The following CACNA1E variants were observed in gnomAD, a reference collection of about 807,000 sequenced individuals.
CACNA1E encodes calcium voltage-gated channel subunit alpha1 E.
Under a neutral mutation model 259.2 loss-of-function variants are expected in CACNA1E, and 40 were observed. The observed-to-expected ratio is 0.15, with a 90% CI of 0.12 to 0.20. CACNA1E has a LOEUF of 0.20. Ranked by LOEUF, CACNA1E falls within the 10% of genes least tolerant of loss-of-function variation. The probability of loss-of-function intolerance (pLI) is 1.00; values close to 1 mark genes in which losing one functional copy is unlikely to be tolerated. For synonymous variants in CACNA1E, 1,104 were observed against 1,138.5 expected, an observed-to-expected ratio of 0.97 and a Z score of 0.61; for missense variants, 1,874 against 3,040.1, an observed-to-expected ratio of 0.62 and a Z score of 9.02.
At chr1:181,678,565 A>G (rs1056916336) in intron 7 of CACNA1E, among the ~76,000 whole-genome samples, 6 of 152,228 alleles carry the variant, frequency 3.9e-5, no homozygotes, top group Non-Finnish European at 8.8e-5. Context: ...ACAAGGACAC[A>G]CTGAATACTG....
chr1:181,672,979 G>A (rs920254652), intron 7 of CACNA1E, among the ~76,000 whole-genome samples: 1 of 152,044 alleles, frequency 6.6e-6, no homozygotes, highest in Non-Finnish European at 1.5e-5. Context: ...CCTGAAAGAC[G>A]ACCCCAAGAA....
intron 1 of CACNA1E, among the ~76,000 whole-genome samples, chr1:181,321,157 C>T (rs1444593014): frequency 6.6e-6 from 1 of 152,146 alleles, no homozygotes; most frequent in African/African-American, 2.4e-5. Context: ...AGGACGGTGC[C>T]AAGCCATTCA....
At chr1:181,583,103 T>TACACACACAC (rs34193608) in intron 6 of CACNA1E, among the ~76,000 whole-genome samples, 88 of 145,088 alleles carry the variant, frequency 6.1e-4, no homozygotes, top group Middle Eastern at 3.5e-3. Flanking sequence ...GGACTGTTCC[T>TACACACACAC]ACACACACAC....
At chr1:181,788,995 G>T (rs1460427259) in intron 43 of CACNA1E, among the ~76,000 whole-genome samples, 3 of 151,770 alleles carry the variant, frequency 2.0e-5, no homozygotes, top group East Asian at 3.9e-4. Flanking sequence ...CTCCTGTGCA[G>T]CTGGGACCAC....
Position 181,785,299 on chromosome 1 carries a change from G to A in CACNA1E, c.5579-19G>A, listed in dbSNP as rs1660762394. 1 of 1,466,246 alleles carries A rather than the reference G, an allele frequency of 6.8e-7. No homozygotes were observed. The highest frequency in any genetic ancestry group is 9.6e-7 in the Non-Finnish European group (1 of 1,046,360). 90.8% of individuals were successfully genotyped at this position (1,466,246 alleles called of 1,614,324 possible). On this transcript the variant is annotated intron_variant, in intron 41 of 47. Transcript: ENST00000367573. ...TTATCTACTCCCTGTTCACCATCAT[G>A]CCACATTTGTGTTTCTAGCCTCTGA...
chr1:181,421,620 TC>T (rs1658751660), intron 2 of CACNA1E, among the ~76,000 whole-genome samples: 1 of 152,246 alleles, frequency 6.6e-6, no homozygotes, highest in Non-Finnish European at 1.5e-5. Context: ...CCCTCATTTT[TC>T]CTTATCTCAG....
intron 7 of CACNA1E, among the ~76,000 whole-genome samples, chr1:181,663,889 G>T (rs1647934467): frequency 6.6e-6 from 1 of 152,102 alleles, no homozygotes; most frequent in African/African-American, 2.4e-5. Context: ...TATTTGCATA[G>T]TAAGGATATT....
At position 181,732,237 on chromosome 1, in the gene CACNA1E, C is replaced by T. The variant is rs1471301191; in HGVS notation, c.2298-147C>T. On this transcript the variant is annotated intron_variant, in intron 19 of 47. Transcript: ENST00000367573. This position sits in a 1 kb window ranked among gnomAD's most constrained non-coding sequence, Gnocchi z 5.5. ...TCACGTGTGGCCCGCCTGCTCCTCG[C>T]ATCTTTCTGTGCTTCCTGTCTGCAG... 6.3e-6 allele frequency: 8 copies of T among 1,266,880 alleles called. No homozygotes were observed. The highest frequency in any genetic ancestry group is 7.2e-6 in the Non-Finnish European group (7 of 974,626). 78.5% of individuals were successfully genotyped at this position (1,266,880 alleles called of 1,614,324 possible). A position where few individuals can be genotyped will look rare whatever the true frequency, so the allele number is the denominator to read the frequency against.
intron 3 of CACNA1E, among the ~76,000 whole-genome samples, chr1:181,552,240 C>T (rs1326941693): frequency 1.3e-5 from 2 of 152,208 alleles, no homozygotes; most frequent in African/African-American, 4.8e-5. Flanking sequence ...ACACCCTTGG[C>T]TGATACAAAG....
chr1:181,732,612 G>A lies in CACNA1E; in HGVS notation c.2526G>A (p.Leu842=), dbSNP rs888488253. Reference sequence around the variant, plus strand: ...AGGGCCTGGCCCTGGGCCTGGCCCTGGAGAAGTTCGAGGAGGAGCGCATCA... The same window carrying A: ...AGGGCCTGGCCCTGGGCCTGGCCCTAGAGAAGTTCGAGGAGGAGCGCATCA... ...AIEGLALGLA[L]EKFEEERISR... The change falls in exon 20 of 48, where the codon CTG becomes CTA. Residue 842 remains leucine, a synonymous_variant. Transcript: ENST00000367573. This position sits in a 1 kb window ranked among gnomAD's most constrained non-coding sequence, Gnocchi z 5.5. The A allele has an allele frequency of 9.4e-6, 14 of 1,490,222 alleles. No individual in the cohort carries two copies. The highest frequency in any genetic ancestry group is 2.6e-5 in the Admixed American group (1 of 39,068). 92.3% of individuals were successfully genotyped at this position (1,490,222 alleles called of 1,614,324 possible).
rs749258821 is a variant in CACNA1E, at chr1:181,750,527, GA to G, written c.3731+42del. Reference sequence around the variant, plus strand: ...TTATCTTTGAAGTAAACGATACAAGGAATGAGTTGGAGGAGCGAGAAAGTAT... The same window carrying G: ...TTATCTTTGAAGTAAACGATACAAGGATGAGTTGGAGGAGCGAGAAAGTAT... On this transcript the variant is annotated intron_variant, in intron 26 of 47. Transcript: ENST00000367573. 972 of 1,600,292 alleles carry G rather than the reference GA, an allele frequency of 6.1e-4. 1 individual carries two copies. The highest frequency in any genetic ancestry group is 7.3e-4 in the Non-Finnish European group (853 of 1,167,966).
At chr1:181,546,161 G>A (rs1396745697) in intron 3 of CACNA1E, among the ~76,000 whole-genome samples, 1 of 152,142 alleles carries the variant, frequency 6.6e-6, no homozygotes, top group African/African-American at 2.4e-5. Context: ...AGGTCGTCAA[G>A]TTTCACAGCA....
intron 2 of CACNA1E, among the ~76,000 whole-genome samples, chr1:181,418,950 T>C (rs1333959501): frequency 1.3e-5 from 2 of 152,122 alleles, no homozygotes; most frequent in African/African-American, 2.4e-5. Context: ...ATTACCATTA[T>C]TGTCCCCATT....
At chr1:181,326,926 C>T (rs117835728) in intron 1 of CACNA1E, among the ~76,000 whole-genome samples, 1 of 152,292 alleles carries the variant, frequency 6.6e-6, no homozygotes, top group East Asian at 1.9e-4. Flanking sequence ...CTGACCTGCC[C>T]TCACCCACCC....
intron 2 of CACNA1E, among the ~76,000 whole-genome samples, chr1:181,470,134 CAA>C (rs1662404609): frequency 6.6e-6 from 1 of 151,992 alleles, no homozygotes; most frequent in African/African-American, 2.4e-5. Context: ...CGAGAGCACA[CAA>C]GTGAGCGTGA....
chr1:181,756,304 GA>G (rs1658082479), intron 29 of CACNA1E, among the ~76,000 whole-genome samples: 1 of 152,154 alleles, frequency 6.6e-6, no homozygotes. Flanking sequence ...GAAAATATTT[GA>G]AACTCTTAAT....
intron 2 of CACNA1E, among the ~76,000 whole-genome samples, chr1:181,454,139 C>T (rs1458035418): frequency 6.6e-6 from 1 of 152,054 alleles, no homozygotes; most frequent in Non-Finnish European, 1.5e-5. Context: ...GTTATGAATC[C>T]AAGGGCTTCA....
rs949311643 is a variant in CACNA1E at position 181,785,197 on chromosome 1, G to A, written c.5579-121G>A. 7.3e-6 allele frequency: 5 copies of A among 683,444 alleles called. No individual in the cohort carries two copies. The African/African-American group carries it at 8.8e-5, about 12-fold the overall frequency. 42.3% of individuals were successfully genotyped at this position (683,444 alleles called of 1,614,324 possible). A position where few individuals can be genotyped will look rare whatever the true frequency, so the allele number is the denominator to read the frequency against. ...CCATGGGGGCCCTCAATATACATTG[G>A]ATGAATGGGTGACTGATAGCACAGA... On this transcript the variant is annotated intron_variant, in intron 41 of 47. Transcript: ENST00000367573.
chr1:181,369,173 C>G (rs1654506301), intron 1 of CACNA1E, among the ~76,000 whole-genome samples: 1 of 152,224 alleles, frequency 6.6e-6, no homozygotes, highest in Non-Finnish European at 1.5e-5. Flanking sequence ...AGTTGTGTGT[C>G]AACATTTCAA....
Sources: gnomAD v4.1 joint callset for allele counts (sites outside exome capture counted in the v4.1 genomes callset) on GRCh38, gnomAD v4.1.1 for gene constraint, Gnocchi (gnomAD v3.1) non-coding constraint, MANE v1.5 for transcripts, NCBI Gene and HGNC (gene_info 2026-07-23, HGNC 2026-07-21) for gene names.